Variants in ZBTB49 observed in about 807,000 individuals in gnomAD.
ZBTB49 encodes the protein zinc finger and BTB domain-containing protein 49.
In ZBTB49, 43 loss-of-function variants were observed where a neutral mutation model predicts 57.5. The ratio of observed to expected loss-of-function variants is 0.75; its 90% confidence interval spans 0.59 to 0.97. The LOEUF (loss-of-function observed/expected upper bound fraction) is 0.97. Ranked by LOEUF, ZBTB49 falls within the 50% of genes least tolerant of loss-of-function variation. ZBTB49 has a pLI of 0.00. For synonymous variants in ZBTB49, 369 were observed against 362.1 expected, an observed-to-expected ratio of 1.02 and a Z score of -0.22; for missense variants, 938 against 947.7, an observed-to-expected ratio of 0.99 and a Z score of 0.13.
chr4:4,301,192 A>G (rs932536248), intron 2 of ZBTB49, among the ~76,000 whole-genome samples: 3 of 152,212 alleles, frequency 2.0e-5, no homozygotes, highest in African/African-American at 7.2e-5. Context: ...TTTGGGGGAA[A>G]TAGGTGATTG....
intron 1 of ZBTB49, among the ~76,000 whole-genome samples, chr4:4,294,340 A>G (rs1387701931): frequency 6.6e-6 from 1 of 152,008 alleles, no homozygotes. Context: ...AGAGAACTAT[A>G]CAAAATGATA....
chr4:4,307,397 C>A (rs1012710204), intron 4 of ZBTB49, among the ~76,000 whole-genome samples: 1 of 152,244 alleles, frequency 6.6e-6, no homozygotes, highest in South Asian at 2.1e-4. Context: ...GCTGGACAGT[C>A]TAGAACTGAG....
At chr4:4,303,486 G>C (rs1219295718) in intron 3 of ZBTB49, among the ~76,000 whole-genome samples, 3 of 152,062 alleles carry the variant, frequency 2.0e-5, no homozygotes, top group Non-Finnish European at 2.9e-5. Flanking sequence ...CATCATATAG[G>C]TTAATTTAGA....
Position 4,299,814 on chromosome 4 carries a change from A to T in ZBTB49, c.-19-113A>T, listed in dbSNP as rs112960182. 1.9e-3 allele frequency: 1,446 copies of T among 745,678 alleles called. 15 individuals carry two copies. The African/African-American group carries it at 0.03, about 16-fold the overall frequency. 46.2% of individuals were successfully genotyped at this position (745,678 alleles called of 1,614,324 possible). Reference sequence around the variant, plus strand: ...GTGTGTGTGTGTGTGTGTGTGTGAGAGAGAAACTGTGATGAGAGAGTGAAG... The same window carrying T: ...GTGTGTGTGTGTGTGTGTGTGTGAGTGAGAAACTGTGATGAGAGAGTGAAG... On this transcript the variant is annotated intron_variant, in intron 1 of 7. Transcript: ENST00000337872.
chr4:4,302,589 G>A lies in ZBTB49; in HGVS notation c.753G>A (p.Thr251=), dbSNP rs149969128. Residue 251 remains threonine (T), a synonymous_variant, in exon 3 of 8, where the codon ACG becomes ACA. Coordinates refer to ENST00000337872, the MANE Select transcript of ZBTB49 (RefSeq NM_145291.4). ...FAFSTSTDLT[T]VESQPCAVSH... ...TCAGCACCTCTACAGACCTTACCAC[G>A]GTAGAGAGCCAGCCTTGTGCCGTCA... The A allele has an allele frequency of 4.6e-4, 735 of 1,613,868 alleles. 6 individuals are homozygous for A. The African/African-American group carries it at 8.6e-3, about 19-fold the overall frequency.
chr4:4,304,518 C>T (rs1351389471), intron 3 of ZBTB49, among the ~76,000 whole-genome samples: 1 of 128,576 alleles, frequency 7.8e-6, no homozygotes, highest in Admixed American at 7.8e-5. Context: ...ACGCTTGGCC[C>T]GATGGCTGTA....
chr4:4,294,313 A>G (rs1031054920), intron 1 of ZBTB49, among the ~76,000 whole-genome samples: 1 of 152,098 alleles, frequency 6.6e-6, no homozygotes, highest in Non-Finnish European at 1.5e-5. Context: ...TACAGGATTG[A>G]CATCATGAAG....
At position 4,320,788 on chromosome 4, in the gene ZBTB49, CGA is replaced by C; in HGVS notation, c.1774_1775del (p.Ser592ProfsTer39). The C allele has an allele frequency of 6.2e-7, 1 of 1,614,164 alleles. No homozygotes were observed. The highest frequency in any genetic ancestry group is 8.5e-7 in the Non-Finnish European group (1 of 1,180,040). ...HKKMHCKAGD[E>X]SPDVLEELSQ... ...AGAAGATGCACTGCAAAGCTGGTGA[CGA>C]GAGCCCAGATGTGCTGGAGGAGCTC... is the stretch of plus-strand genomic sequence containing the variant. On this transcript the variant is annotated frameshift_variant, in exon 8 of 8. Coordinates refer to ENST00000337872, the MANE Select transcript of ZBTB49 (RefSeq NM_145291.4). LOFTEE classifies it low-confidence loss of function (END_TRUNC).
chr4:4,304,802 T>C (rs574088587), intron 3 of ZBTB49, among the ~76,000 whole-genome samples: 1 of 152,362 alleles, frequency 6.6e-6, no homozygotes, highest in African/African-American at 2.4e-5. Context: ...AGCTACATGA[T>C]GTGTGATGAA....
intron 7 of ZBTB49, among the ~76,000 whole-genome samples, chr4:4,316,426 T>C (rs1721199436): frequency 6.6e-6 from 1 of 152,230 alleles, no homozygotes; most frequent in Admixed American, 6.5e-5. Flanking sequence ...AGCGGAAAGC[T>C]GGCAGCCCTC....
rs1169885187 is a variant in ZBTB49 at position 4,320,751 on chromosome 4, T to C, written c.1733T>C (p.Leu578Pro). 6.2e-7 allele frequency: 1 copy of C among 1,614,110 alleles called. No homozygotes were observed. Among genetic ancestry groups the C allele is most frequent in the Non-Finnish European group, 8.5e-7 (1 of 1,180,050 alleles). The change falls in exon 8 of 8, where the codon CTC (leucine) becomes CCC (proline). Residue 578 changes from leucine to proline, a missense_variant. Physicochemically the swap from Leu to Pro is moderately conservative, Grantham distance 98. This residue lies in a region of ZBTB49 where 835 missense variants were observed against 819.1 expected (regional missense o/e 1.02). Coordinates refer to ENST00000337872, the MANE Select transcript of ZBTB49 (RefSeq NM_145291.4). ...CNKCFTRSAV[L>P]RRHKKMHCKA... ...AAGTGCTTTACCCGCTCTGCGGTGCTCCGGCGGCACAAGAAGATGCACTGC... is the reference window on the plus strand; with the variant it reads ...AAGTGCTTTACCCGCTCTGCGGTGCCCCGGCGGCACAAGAAGATGCACTGC...
chr4:4,293,035 A>AG (rs72598792), intron 1 of ZBTB49, among the ~76,000 whole-genome samples: 10,432 of 152,180 alleles, frequency 0.069, 914 homozygotes, highest in East Asian at 0.32. Context: ...TTTTAGAACT[A>AG]GGAAAAAACC....
At chr4:4,316,156 G>C (rs1721188405) in intron 7 of ZBTB49, among the ~76,000 whole-genome samples, 186 bp downstream of exon 7, 1 of 152,082 alleles carries the variant, frequency 6.6e-6, no homozygotes, top group Non-Finnish European at 1.5e-5. Flanking sequence ...TGTCTTTGAG[G>C]TATTAGGAAC....
chr4:4,318,436 C>T (rs1276286359), intron 7 of ZBTB49, among the ~76,000 whole-genome samples: 2 of 151,950 alleles, frequency 1.3e-5, no homozygotes, highest in South Asian at 2.1e-4. Flanking sequence ...GCCGACATGG[C>T]GAAACCCCGT....
At chr4:4,304,022 G>C (rs1189827130) in intron 3 of ZBTB49, among the ~76,000 whole-genome samples, 1 of 151,942 alleles carries the variant, frequency 6.6e-6, no homozygotes. Flanking sequence ...TGCATTTTAC[G>C]ACCTTGTATT....
chr4:4,302,527 C>G lies in ZBTB49; in HGVS notation c.691C>G (p.Pro231Ala). Reference sequence around the variant, plus strand: ...GCAGTACCATAAACACGCAGCTGGTCCCAGTCAGGAGAGAGTTGTTGAGCA... The same window carrying G: ...GCAGTACCATAAACACGCAGCTGGTGCCAGTCAGGAGAGAGTTGTTGAGCA... ...SKQYHKHAAG[P>A]SQERVVEQPF... is the part of the protein sequence containing the mutation. The change falls in exon 3 of 8, where the codon CCC becomes GCC. Residue 231 changes from proline (P) to alanine (A), a missense_variant. Pro to Ala is a conservative substitution (Grantham distance 27). Coordinates refer to ENST00000337872, the MANE Select transcript of ZBTB49 (RefSeq NM_145291.4). The G allele has an allele frequency of 3.1e-6, 5 of 1,613,916 alleles. No individual in the cohort carries two copies. The highest frequency in any genetic ancestry group is 4.2e-6 in the Non-Finnish European group (5 of 1,179,908).
At chr4:4,306,265 T>C in intron 4 of ZBTB49, 81 bp downstream of exon 4, 1 of 1,225,538 alleles carries the variant, frequency 8.2e-7, no homozygotes, top group Non-Finnish European at 1.2e-6. Flanking sequence ...CATACTTTTG[T>C]ACTTGTGAGA....
rs746998156 is a variant in ZBTB49 at position 4,321,121 on chromosome 4, C to T, written c.2103C>T (p.Gly701=). 14 of 1,614,006 alleles carry T rather than the reference C, an allele frequency of 8.7e-6. No individual in the cohort carries two copies. The East Asian group carries it at 1.3e-4, about 15-fold the overall frequency. ...CGGATGTGGACACCCCAGCCGGTGG[C>T]GAACCACTGCAGGCCGATGGCATGG... ...AYSDVDTPAG[G]EPLQADGMAM... The change falls in exon 8 of 8, where the codon GGC becomes GGT. Residue 701 remains glycine, a synonymous_variant. Coordinates refer to ENST00000337872, the MANE Select transcript of ZBTB49 (RefSeq NM_145291.4).
intron 4 of ZBTB49, among the ~76,000 whole-genome samples, chr4:4,307,553 C>T (rs12642617): frequency 0.26 from 39,136 of 152,074 alleles, 5,351 homozygotes; most frequent in Admixed American, 0.33. Flanking sequence ...AACGGAAAGT[C>T]CTTAGAGCAG....
Sources: allele counts gnomAD v4.1 joint callset (sites outside exome capture counted in the v4.1 genomes callset), GRCh38; gene constraint gnomAD v4.1.1; regional missense constraint gnomAD v4.1.1; transcripts MANE v1.5; gene names NCBI Gene and HGNC (gene_info 2026-07-23, HGNC 2026-07-21).